Variants in PDE1A observed in about 807,000 individuals in gnomAD.
The protein encoded by PDE1A is phosphodiesterase 1A.
PDE1A carries 35 observed loss-of-function variants against 61.7 expected under a neutral mutation model. The ratio of observed to expected loss-of-function variants is 0.57; its 90% CI spans 0.43 to 0.75. The LOEUF (loss-of-function observed/expected upper bound fraction) is 0.75. PDE1A is among the 30% of genes least tolerant of loss of function. The pLI is 0.00. For missense variants in PDE1A, 597 were observed against 630.6 expected (o/e 0.95, Z 0.57); for synonymous variants, 232 against 213.2 (o/e 1.09, Z -0.77).
At chr2:182,651,361 A>G in the PDE1A span, among the ~76,000 whole-genome samples, 3 of 152,218 alleles carry the variant, frequency 2.0e-5, no homozygotes, top group Non-Finnish European at 4.4e-5. Context: ...TTCTGGCTGC[A>G]GTCATTGAAA....
the PDE1A span, among the ~76,000 whole-genome samples, chr2:182,608,479 C>G: frequency 6.6e-6 from 1 of 152,202 alleles, no homozygotes; most frequent in East Asian, 1.9e-4. Context: ...CAGGTGGGAA[C>G]CTGGGCTGCG....
chr2:182,166,319 G>A (rs1691649893), downstream of PDE1A, among the ~76,000 whole-genome samples: 1 of 152,124 alleles, frequency 6.6e-6, no homozygotes, highest in Non-Finnish European at 1.5e-5. Context: ...TGGGGGAGCA[G>A]CTGGGACAAA....
intron 2 of PDE1A, among the ~76,000 whole-genome samples, chr2:182,511,452 A>G (rs555986396): frequency 4.8e-4 from 73 of 152,182 alleles, no homozygotes; most frequent in African/African-American, 1.6e-3. Flanking sequence ...CTCACCACAG[A>G]CCTCCAGAAT....
intron 13 of PDE1A, among the ~76,000 whole-genome samples, chr2:182,151,226 T>G (rs1220432468): frequency 6.6e-6 from 1 of 152,224 alleles, no homozygotes; most frequent in Non-Finnish European, 1.5e-5. Flanking sequence ...TAGCTGGGAC[T>G]ATAGGCATCT....
At chr2:182,283,420 TACACACACACAC>T (rs3063230) in intron 1 of PDE1A, among the ~76,000 whole-genome samples, 1 of 149,572 alleles carries the variant, frequency 6.7e-6, no homozygotes, top group Non-Finnish European at 1.5e-5. Context: ...CACACACACA[TACACACACACAC>T]ACACACTTTA....
intron 1 of PDE1A, among the ~76,000 whole-genome samples, chr2:182,367,661 G>C (rs1699911503): frequency 6.6e-6 from 1 of 151,912 alleles, no homozygotes; most frequent in African/African-American, 2.4e-5. Context: ...GGGACAAGTA[G>C]GGTTTATAGA....
At chr2:182,262,025 G>A (rs1692249388) in intron 2 of PDE1A, among the ~76,000 whole-genome samples, 1 of 152,072 alleles carries the variant, frequency 6.6e-6, no homozygotes. Context: ...AAAAACATCA[G>A]ATATTTTTAA....
chr2:182,709,821 G>A, the PDE1A span, among the ~76,000 whole-genome samples: 1 of 152,212 alleles, frequency 6.6e-6, no homozygotes, highest in East Asian at 1.9e-4. Context: ...GTAGAGATGT[G>A]TCTTCAAACA....
At chr2:182,480,094 A>G (rs1282992862) in intron 2 of PDE1A, among the ~76,000 whole-genome samples, 2 of 151,916 alleles carry the variant, frequency 1.3e-5, no homozygotes, top group Non-Finnish European at 2.9e-5. Flanking sequence ...TGGACAAAAA[A>G]GCTTTACCAT....
chr2:182,467,113 G>A (rs79045795), intron 2 of PDE1A, among the ~76,000 whole-genome samples: 23,052 of 150,066 alleles, frequency 0.15, 2,137 homozygotes, highest in Middle Eastern at 0.28. Flanking sequence ...AAGAAATAAC[G>A]AAGAAAAAAA....
chr2:182,671,695 C>T, the PDE1A span, among the ~76,000 whole-genome samples: 1,814 of 149,540 alleles, frequency 0.012, 21 homozygotes, highest in South Asian at 0.048. Context: ...TCTCAGCTCA[C>T]TGCAAGCTAC....
chr2:182,392,746 GC>G (rs34863201), intron 1 of PDE1A, among the ~76,000 whole-genome samples: 1 of 152,254 alleles, frequency 6.6e-6, no homozygotes, highest in African/African-American at 2.4e-5. Flanking sequence ...GGGGCCACAG[GC>G]CCCATGCAAG....
At chr2:182,407,690 T>C (rs1248465045) in intron 1 of PDE1A, among the ~76,000 whole-genome samples, 1 of 152,124 alleles carries the variant, frequency 6.6e-6, no homozygotes. Context: ...CAACATACTT[T>C]ACGTAGCATA....
At position 182,257,704 on chromosome 2, in the gene PDE1A, C is replaced by T. The variant is rs181316920; in HGVS notation, c.167+6597G>A. 4.6e-3 allele frequency among the ~76,000 whole-genome samples: 703 copies of T among 152,274 alleles called. 2 individuals are homozygous for T. The highest frequency in any genetic ancestry group is 7.0e-3 in the Non-Finnish European group (478 of 68,024). ...GAATGACATTAATTTTGATTGGCCC[C>T]TATCTTTATTTTAGTCACAGAACTT... On this transcript the variant is annotated intron_variant, in intron 2 of 13. Coordinates refer to ENST00000351439, the Ensembl canonical transcript of PDE1A.
At chr2:182,414,171 G>A (rs1398122320) in intron 1 of PDE1A, among the ~76,000 whole-genome samples, 3 of 152,104 alleles carry the variant, frequency 2.0e-5, no homozygotes, top group African/African-American at 7.2e-5. Context: ...TGGAAGCAGA[G>A]GACGATTCCT....
intron 1 of PDE1A, among the ~76,000 whole-genome samples, chr2:182,360,523 T>C (rs1158491993): frequency 7.3e-6 from 1 of 136,716 alleles, no homozygotes; most frequent in African/African-American, 2.6e-5. Context: ...TATGAAGCAG[T>C]TTAGTGTTTT....
chr2:182,407,736 G>A (rs1702381235), intron 1 of PDE1A, among the ~76,000 whole-genome samples: 1 of 152,110 alleles, frequency 6.6e-6, no homozygotes, highest in Non-Finnish European at 1.5e-5. Flanking sequence ...CCAAAAAACA[G>A]AACTTGACCA....
chr2:182,562,204 C>T, the PDE1A span, among the ~76,000 whole-genome samples: 1 of 152,032 alleles, frequency 6.6e-6, no homozygotes, highest in African/African-American at 2.4e-5. Context: ...TGTCAGATAG[C>T]TCTTATTATG....
At chr2:182,283,605 T>C (rs1217409165) in intron 1 of PDE1A, among the ~76,000 whole-genome samples, 2 of 151,988 alleles carry the variant, frequency 1.3e-5, no homozygotes, top group Non-Finnish European at 2.9e-5. Flanking sequence ...CAGAAAAAAA[T>C]GAGTTAAATC....
Sources: gnomAD v4.1 joint callset for allele counts (sites outside exome capture counted in the v4.1 genomes callset) on GRCh38, gnomAD v4.1.1 for gene constraint, MANE v1.5 for transcripts, NCBI Gene and HGNC (gene_info 2026-07-23, HGNC 2026-07-21) for gene names.